Variants in GPC6 observed in about 807,000 individuals in gnomAD.
The protein encoded by GPC6 is glypican 6.
GPC6 carries 14 observed loss-of-function variants against 55.2 expected under a neutral mutation model. The ratio of observed to expected loss-of-function variants is 0.25; its 90% CI spans 0.17 to 0.40. The LOEUF is 0.40. Among genes scored for constraint, GPC6 ranks in the 10% least tolerant of loss-of-function variants. GPC6 has a pLI of 1.00. For synonymous variants in GPC6, 278 were observed against 259.6 expected, an observed-to-expected ratio of 1.07 and a Z score of -0.68; for missense variants, 641 against 708.5, an observed-to-expected ratio of 0.90 and a Z score of 1.08.
chr13:93,924,863 C>T (rs1043791452), intron 3 of GPC6, among the ~76,000 whole-genome samples: 3 of 151,888 alleles, frequency 2.0e-5, no homozygotes, highest in African/African-American at 7.3e-5. Flanking sequence ...AAATTGTATG[C>T]ATTTATCATA....
intron 2 of GPC6, among the ~76,000 whole-genome samples, chr13:93,587,627 A>T (rs962580495): frequency 3.3e-5 from 5 of 152,054 alleles, no homozygotes; most frequent in African/African-American, 1.2e-4. Flanking sequence ...TTTCAGGTTC[A>T]TGGGAAGATT....
intron 2 of GPC6, among the ~76,000 whole-genome samples, chr13:93,685,663 T>C (rs1011407862): frequency 6.6e-6 from 1 of 152,156 alleles, no homozygotes; most frequent in African/African-American, 2.4e-5. Context: ...CTGGTGCTGA[T>C]GAGCCTGGAG....
chr13:94,369,763 G>A lies in GPC6; in HGVS notation c.1153-12651G>A, dbSNP rs535790095. ...ATCTCTCTCTCTCTCTTGCTCTGGGGGTAATCGGGTCAAGGAAAATGAGTT... is the reference window on the plus strand; with the variant it reads ...ATCTCTCTCTCTCTCTTGCTCTGGGAGTAATCGGGTCAAGGAAAATGAGTT... On this transcript the variant is annotated intron_variant, in intron 6 of 8. Coordinates refer to ENST00000377047, the MANE Select transcript of GPC6 (RefSeq NM_005708.5). 4.3e-4 allele frequency among the ~76,000 whole-genome samples: 66 copies of A among 152,090 alleles called. 1 individual carries two copies. In the South Asian group the frequency reaches 0.012, roughly 27 times the overall value.
Position 94,169,109 on chromosome 13 carries a change from G to C in GPC6, c.878-117240G>C, listed in dbSNP as rs368505099. Among the ~76,000 whole-genome samples the C allele has an allele frequency of 5.9e-5, 9 of 152,330 alleles. No individual in the cohort carries two copies. In the East Asian group the frequency reaches 1.7e-3, roughly 29 times the overall value. On this transcript the variant is annotated intron_variant, in intron 4 of 8. Coordinates refer to ENST00000377047, the MANE Select transcript of GPC6 (RefSeq NM_005708.5). ...GTAGTTTTGTCTTTCATGAAGGCTT[G>C]AGCAAGTTTACCTTTTTGACAAGCT... is the stretch of plus-strand genomic sequence containing the variant.
intron 2 of GPC6, among the ~76,000 whole-genome samples, chr13:93,764,632 A>G (rs184154657): frequency 1.1e-3 from 174 of 151,794 alleles, no homozygotes; most frequent in African/African-American, 3.4e-3. Flanking sequence ...CACAAAGGCC[A>G]CCTATAACCA....
At chr13:93,634,657 C>T (rs749770018) in intron 2 of GPC6, among the ~76,000 whole-genome samples, 6 of 152,024 alleles carry the variant, frequency 3.9e-5, no homozygotes, top group Non-Finnish European at 5.9e-5. Context: ...TAACATTTGC[C>T]ATCACATTTG....
intron 6 of GPC6, among the ~76,000 whole-genome samples, chr13:94,312,339 G>T (rs575313628): frequency 2.2e-4 from 33 of 152,234 alleles, no homozygotes; most frequent in South Asian, 1.2e-3. Flanking sequence ...TAATTGTTCT[G>T]AAACAAAATG....
chr13:93,780,093 A>C (rs1885590023), intron 2 of GPC6, among the ~76,000 whole-genome samples: 1 of 152,172 alleles, frequency 6.6e-6, no homozygotes, highest in South Asian at 2.1e-4. Context: ...GTAGTCCAAT[A>C]ATTTTTAATT....
chr13:93,218,368 T>C, the GPC6 span, among the ~76,000 whole-genome samples: 3 of 152,204 alleles, frequency 2.0e-5, no homozygotes, highest in Non-Finnish European at 2.9e-5. Flanking sequence ...GAACATAGGA[T>C]GTCAGCCTTA....
intron 4 of GPC6, among the ~76,000 whole-genome samples, chr13:94,285,019 A>G (rs927988631): frequency 7.2e-5 from 11 of 152,172 alleles, no homozygotes; most frequent in Admixed American, 6.5e-4. Context: ...ATTTTTATTT[A>G]TATTGTGTTT....
At chr13:93,280,137 T>A (rs1011596786) in intron 1 of GPC6, among the ~76,000 whole-genome samples, 2 of 152,192 alleles carry the variant, frequency 1.3e-5, no homozygotes, top group Admixed American at 6.5e-5. Context: ...CTGCACATGG[T>A]TATCTCCTCC....
At chr13:93,465,945 A>C (rs906151184) in intron 1 of GPC6, among the ~76,000 whole-genome samples, 2 of 152,198 alleles carry the variant, frequency 1.3e-5, no homozygotes, top group East Asian at 3.8e-4. Context: ...GTTTCAGGAA[A>C]CAGGAAGGTC....
chr13:93,446,596 G>A (rs1227927058), intron 1 of GPC6, among the ~76,000 whole-genome samples: 1 of 152,118 alleles, frequency 6.6e-6, no homozygotes, highest in Non-Finnish European at 1.5e-5. Flanking sequence ...ATAGCATGAT[G>A]ACTACAACCC....
At chr13:93,841,887 G>A (rs1007658297) in intron 3 of GPC6, among the ~76,000 whole-genome samples, 5 of 151,896 alleles carry the variant, frequency 3.3e-5, no homozygotes, top group Non-Finnish European at 7.4e-5. Context: ...ATAGAATTTT[G>A]GCAATCAAAA....
chr13:93,504,725 TA>T (rs148629302), intron 1 of GPC6, among the ~76,000 whole-genome samples: 4,603 of 152,056 alleles, frequency 0.03, 114 homozygotes, highest in Non-Finnish European at 0.042. Flanking sequence ...AATAGTATAA[TA>T]AAATAATTAC....
chr13:94,292,818 A>C (rs1285475669), intron 5 of GPC6, among the ~76,000 whole-genome samples: 3 of 152,176 alleles, frequency 2.0e-5, no homozygotes, highest in African/African-American at 7.2e-5. Context: ...AAGTATGTTC[A>C]TGCTTCAGTC....
chr13:93,343,230 A>G (rs1433684293), intron 1 of GPC6, among the ~76,000 whole-genome samples: 2 of 151,890 alleles, frequency 1.3e-5, no homozygotes, highest in African/African-American at 2.4e-5. Flanking sequence ...CATTTACATA[A>G]CCCGGAATAA....
chr13:94,319,046 T>C (rs2139127457), intron 6 of GPC6, among the ~76,000 whole-genome samples: 1 of 152,288 alleles, frequency 6.6e-6, no homozygotes, highest in Non-Finnish European at 1.5e-5. Context: ...TTTATTTCAA[T>C]TGGAACACTT....
At chr13:94,082,958 A>T (rs985109574) in intron 4 of GPC6, among the ~76,000 whole-genome samples, 30 of 152,178 alleles carry the variant, frequency 2.0e-4, no homozygotes, top group African/African-American at 7.2e-4. Flanking sequence ...AACTTAGCAC[A>T]GAGTAGAATG....
Sources: gnomAD v4.1 joint callset for allele counts (sites outside exome capture counted in the v4.1 genomes callset) on GRCh38, gnomAD v4.1.1 for gene constraint, MANE v1.5 for transcripts, NCBI Gene and HGNC (gene_info 2026-07-23, HGNC 2026-07-21) for gene names.